Variants in PLCXD2 observed in about 807,000 individuals in gnomAD.
PLCXD2 encodes the protein PI-PLC X domain-containing protein 2.
PLCXD2 carries 21 observed loss-of-function variants against 28.6 expected under a neutral mutation model. That is an observed-to-expected ratio of 0.73 (90% confidence interval 0.52 to 1.06). The LOEUF is 1.06. PLCXD2 is among the 50% of genes least tolerant of loss of function. The pLI, the probability that PLCXD2 is intolerant of heterozygous loss-of-function variation, is 0.00. For missense variants in PLCXD2, 369 were observed against 376.7 expected (o/e 0.98, Z 0.17); for synonymous variants, 140 against 150.1 (o/e 0.93, Z 0.49).
At chr3:111,684,743 T>G (rs1940768581) in intron 1 of PLCXD2, among the ~76,000 whole-genome samples, 1 of 152,086 alleles carries the variant, frequency 6.6e-6, no homozygotes, top group Non-Finnish European at 1.5e-5. Flanking sequence ...ACTTTGTGTT[T>G]TGGAAAGATC....
At chr3:111,714,387 T>G (rs1427464275) in intron 3 of PLCXD2, among the ~76,000 whole-genome samples, 6 of 152,198 alleles carry the variant, frequency 3.9e-5, no homozygotes, top group Non-Finnish European at 8.8e-5. Flanking sequence ...CAAAGCACAT[T>G]GAGCCAACAC....
intron 2 of PLCXD2, among the ~76,000 whole-genome samples, chr3:111,712,384 G>A (rs1392722132): frequency 1.3e-5 from 2 of 152,140 alleles, no homozygotes; most frequent in African/African-American, 4.8e-5. Context: ...CCACTGCACA[G>A]GACGGCTTTC....
chr3:111,725,906 T>C (rs1250932951), intron 3 of PLCXD2: 2 of 398,450 alleles, frequency 5.0e-6, no homozygotes, highest in Non-Finnish European at 8.8e-6. Flanking sequence ...CATCTGCTGA[T>C]TATTGCTAAC....
Position 111,677,732 on chromosome 3 carries a change from G to A in PLCXD2, c.163+2324G>A, listed in dbSNP as rs928696179. Among the ~76,000 whole-genome samples, 3 of 152,220 alleles carry A rather than the reference G, an allele frequency of 2.0e-5. No homozygotes were observed. The South Asian group carries it at 6.2e-4, about 32-fold the overall frequency. Reference sequence around the variant, plus strand: ...CCCCTGAGGGGTCTTGGGAATGGCAGAGCAGTGGGTGTAATCTTTAACTGA... The same window carrying A: ...CCCCTGAGGGGTCTTGGGAATGGCAAAGCAGTGGGTGTAATCTTTAACTGA... On this transcript the variant is annotated intron_variant, in intron 1 of 4. Transcript: ENST00000477665.
chr3:111,705,632 TAC>T (rs1408447936), intron 1 of PLCXD2, among the ~76,000 whole-genome samples: 1 of 152,128 alleles, frequency 6.6e-6, no homozygotes, highest in Non-Finnish European at 1.5e-5. Flanking sequence ...CAACAACAGT[TAC>T]ATACATCTCT....
intron 1 of PLCXD2, among the ~76,000 whole-genome samples, chr3:111,697,673 T>C (rs1940981873): frequency 6.6e-6 from 1 of 152,192 alleles, no homozygotes; most frequent in South Asian, 2.1e-4. Context: ...ATGGATTATA[T>C]AGGCTTCTAC....
At chr3:111,724,987 G>A (rs1941396961) in intron 3 of PLCXD2, 1 of 152,150 alleles carries the variant, frequency 6.6e-6, no homozygotes, top group African/African-American at 2.4e-5. Flanking sequence ...ATACTCAGGG[G>A]GTGTGCAGAT....
At chr3:111,707,142 C>G (rs1008477736) in intron 1 of PLCXD2, among the ~76,000 whole-genome samples, 1 of 152,066 alleles carries the variant, frequency 6.6e-6, no homozygotes, top group Non-Finnish European at 1.5e-5. Flanking sequence ...ACAGAATGTG[C>G]GTTTGGACCA....
At chr3:111,687,493 C>A (rs1475219847) in intron 1 of PLCXD2, among the ~76,000 whole-genome samples, 2 of 152,178 alleles carry the variant, frequency 1.3e-5, no homozygotes, top group Non-Finnish European at 2.9e-5. Flanking sequence ...ATATTCTTAA[C>A]TCAGGCCTCA....
Position 111,674,999 on chromosome 3 carries a change from TA to T in PLCXD2, c.-245del. 2.1e-6 allele frequency: 1 copy of T among 476,506 alleles called. No individual in the cohort carries two copies. 29.5% of individuals were successfully genotyped at this position (476,506 alleles called of 1,614,324 possible). On this transcript the variant is annotated 5_prime_UTR_variant, in exon 1 of 5. Coordinates refer to ENST00000477665, the MANE Select transcript of PLCXD2 (RefSeq NM_001185106.1). The stretch of plus-strand genomic sequence containing the variant: ...CTTCCCCCATCTCCAGAGGGGAACA[TA>T]AGAAGTTTAACGGAGCTGGGACTGA...
At chr3:111,721,558 A>G (rs1941346499) in intron 3 of PLCXD2, 3 of 152,216 alleles carry the variant, frequency 2.0e-5, no homozygotes, top group Admixed American at 6.5e-5. Context: ...TCCCAGTTTT[A>G]AAACTTGGAT....
At chr3:111,701,870 G>A (rs904681493) in intron 1 of PLCXD2, among the ~76,000 whole-genome samples, 1 of 152,084 alleles carries the variant, frequency 6.6e-6, no homozygotes, top group African/African-American at 2.4e-5. Flanking sequence ...GTGACTGGGT[G>A]ACTACTGGCA....
Position 111,714,099 on chromosome 3 carries a change from TG to T in PLCXD2, c.842del (p.Gly281AlafsTer20). ...TGAAGACCATTGCCCGGGGCTTGGTTGGGGGCCTCAAGAACACGCTGGTTCA... is the reference window on the plus strand; with the variant it reads ...TGAAGACCATTGCCCGGGGCTTGGTTGGGGCCTCAAGAACACGCTGGTTCA... On this transcript the variant is annotated frameshift_variant, in exon 3 of 5. Transcript: ENST00000477665. LOFTEE classifies it high-confidence loss of function. The T allele has an allele frequency of 6.2e-7, 1 of 1,614,094 alleles. No homozygotes were observed. The highest frequency in any genetic ancestry group is 1.1e-5 in the South Asian group (1 of 91,066).
At chr3:111,716,831 T>C (rs1365838670) in intron 3 of PLCXD2, among the ~76,000 whole-genome samples, 1 of 152,188 alleles carries the variant, frequency 6.6e-6, no homozygotes, top group Admixed American at 6.5e-5. Flanking sequence ...AAAACGAGGA[T>C]ATTAGGGTGG....
At chr3:111,711,248 A>G (rs1413162890) in intron 2 of PLCXD2, among the ~76,000 whole-genome samples, 1 of 152,168 alleles carries the variant, frequency 6.6e-6, no homozygotes, top group Admixed American at 6.5e-5. Context: ...TACTAAAAAT[A>G]CAAAAATTAG....
chr3:111,719,064 C>T (rs1397224670), intron 3 of PLCXD2, among the ~76,000 whole-genome samples: 1 of 152,106 alleles, frequency 6.6e-6, no homozygotes, highest in Non-Finnish European at 1.5e-5. Flanking sequence ...AAAAGTAAGC[C>T]TTGACCTCCT....
chr3:111,709,478 A>G (rs1255884560), intron 2 of PLCXD2, among the ~76,000 whole-genome samples: 4 of 151,720 alleles, frequency 2.6e-5, no homozygotes, highest in Non-Finnish European at 4.4e-5. Flanking sequence ...ACACACACAC[A>G]CACACGCACA....
At position 111,708,415 on chromosome 3, in the gene PLCXD2, A is replaced by G. The variant is rs202083187; in HGVS notation, c.624+29A>G. 3.2e-6 allele frequency: 5 copies of G among 1,582,646 alleles called. No homozygotes were observed. The East Asian group carries it at 1.1e-4, about 35-fold the overall frequency. On this transcript the variant is annotated intron_variant, in intron 2 of 4. Coordinates refer to ENST00000477665, the MANE Select transcript of PLCXD2 (RefSeq NM_001185106.1). ...GGAGGGAAGGAGAGATAAGCTTCCAAGAGCAAGAATTTAACTCTTCCTGCT... is the reference window on the plus strand; with the variant it reads ...GGAGGGAAGGAGAGATAAGCTTCCAGGAGCAAGAATTTAACTCTTCCTGCT...
chr3:111,706,647 TAA>T (rs1271415171), intron 1 of PLCXD2, among the ~76,000 whole-genome samples: 7 of 143,480 alleles, frequency 4.9e-5, no homozygotes, highest in African/African-American at 2.6e-5. Context: ...CTGAATGGAT[TAA>T]AAAAAAAAAA....
Sources: gnomAD v4.1 joint callset for allele counts (sites outside exome capture counted in the v4.1 genomes callset) on GRCh38, gnomAD v4.1.1 for gene constraint, MANE v1.5 for transcripts, NCBI Gene and HGNC (gene_info 2026-07-23, HGNC 2026-07-21) for gene names.